Variants in AKAP19 observed in about 807,000 individuals in gnomAD.
AKAP19 encodes the protein A-kinase anchoring protein 19, also known as small A-kinase anchoring protein.
At chr2:190,055,230 A>G in the AKAP19 span, among the ~76,000 whole-genome samples, 84 of 151,718 alleles carry the variant, frequency 5.5e-4, no homozygotes, top group African/African-American at 1.9e-3. Context: ...TCACAAGGAC[A>G]AAAAAACCAA....
chr2:189,962,338 G>A, the AKAP19 span, among the ~76,000 whole-genome samples: 2 of 152,242 alleles, frequency 1.3e-5, no homozygotes, highest in East Asian at 1.9e-4. Context: ...TTTGCCCAAA[G>A]ATGCAATCCC....
At chr2:189,888,924 AC>A in the AKAP19 span, among the ~76,000 whole-genome samples, 1 of 152,072 alleles carries the variant, frequency 6.6e-6, no homozygotes, top group Non-Finnish European at 1.5e-5. Flanking sequence ...CCATTTGAAT[AC>A]CCTTTCTTTC....
chr2:189,912,001 A>G, the AKAP19 span, among the ~76,000 whole-genome samples: 1 of 152,052 alleles, frequency 6.6e-6, no homozygotes, highest in Non-Finnish European at 1.5e-5. Flanking sequence ...TTTAATATAT[A>G]TGTATATCCA....
chr2:189,928,824 AT>A, the AKAP19 span, among the ~76,000 whole-genome samples: 17 of 152,180 alleles, frequency 1.1e-4, no homozygotes, highest in Non-Finnish European at 2.5e-4. Flanking sequence ...ACATAAAATA[AT>A]AAGAAACATT....
the AKAP19 span, among the ~76,000 whole-genome samples, chr2:189,934,429 A>C: frequency 6.6e-6 from 1 of 152,124 alleles, no homozygotes; most frequent in South Asian, 2.1e-4. Flanking sequence ...ATGCATTGTT[A>C]ATGATTTCTA....
the AKAP19 span, among the ~76,000 whole-genome samples, chr2:190,020,386 C>T: frequency 6.6e-6 from 1 of 152,064 alleles, no homozygotes; most frequent in African/African-American, 2.4e-5. Flanking sequence ...TTCTGAATGT[C>T]AGTATTTATA....
At chr2:190,127,278 A>G in the AKAP19 span, among the ~76,000 whole-genome samples, 1 of 151,926 alleles carries the variant, frequency 6.6e-6, no homozygotes, top group Non-Finnish European at 1.5e-5. Context: ...AAGCAGAATG[A>G]ATGCTCATAT....
At chr2:190,055,497 A>G in the AKAP19 span, among the ~76,000 whole-genome samples, 1 of 152,188 alleles carries the variant, frequency 6.6e-6, no homozygotes, top group Non-Finnish European at 1.5e-5. Flanking sequence ...TAAAAAAAAG[A>G]GAAATGAAAC....
the AKAP19 span, among the ~76,000 whole-genome samples, chr2:190,003,807 C>T: frequency 6.6e-6 from 1 of 151,872 alleles, no homozygotes; most frequent in Non-Finnish European, 1.5e-5. Context: ...GCAGAGGTTG[C>T]AGTGAGCCAA....
the AKAP19 span, among the ~76,000 whole-genome samples, chr2:190,107,095 C>A: frequency 7.2e-5 from 11 of 152,300 alleles, no homozygotes; most frequent in African/African-American, 2.4e-4. Flanking sequence ...GCTCTTCTTA[C>A]TCAAATGTCT....
the AKAP19 span, among the ~76,000 whole-genome samples, chr2:190,040,179 G>A: frequency 6.6e-6 from 1 of 152,158 alleles, no homozygotes; most frequent in Non-Finnish European, 1.5e-5. Flanking sequence ...AACCTTGCCA[G>A]CATCTGTTAT....
the AKAP19 span, among the ~76,000 whole-genome samples, chr2:189,938,349 A>G: frequency 2.5e-4 from 38 of 152,096 alleles, no homozygotes; most frequent in African/African-American, 6.5e-4. Flanking sequence ...AAAAAAAAAA[A>G]AAAGAAAGAA....
At chr2:190,040,254 C>T in the AKAP19 span, among the ~76,000 whole-genome samples, 10 of 152,130 alleles carry the variant, frequency 6.6e-5, no homozygotes, top group South Asian at 2.1e-4. Context: ...CTTTGGTTTG[C>T]GTTTCTCTAA....
the AKAP19 span, among the ~76,000 whole-genome samples, chr2:189,930,122 C>T: frequency 6.6e-6 from 1 of 152,116 alleles, no homozygotes. Context: ...GTACTTTCCC[C>T]CAACATCTGC....
chr2:189,931,005 C>G, the AKAP19 span: 1 of 783,070 alleles, frequency 1.3e-6, no homozygotes, highest in Non-Finnish European at 2.1e-6. Context: ...TGAGGCAGTT[C>G]CCCATCTTCT....
the AKAP19 span, among the ~76,000 whole-genome samples, chr2:189,918,658 A>G: frequency 6.6e-6 from 1 of 152,182 alleles, no homozygotes; most frequent in Non-Finnish European, 1.5e-5. Context: ...CCTCTCCAGT[A>G]TATATCCCAA....
chr2:189,903,043 GTTT>G, the AKAP19 span, among the ~76,000 whole-genome samples: 2 of 151,840 alleles, frequency 1.3e-5, no homozygotes, highest in African/African-American at 4.8e-5. Flanking sequence ...TCTTAAAATA[GTTT>G]TTTAAGTGTC....
the AKAP19 span, among the ~76,000 whole-genome samples, chr2:189,928,683 A>G: frequency 1.3e-5 from 2 of 152,148 alleles, no homozygotes; most frequent in African/African-American, 4.8e-5. Context: ...ACATATGGAT[A>G]CTATAGTTGA....
chr2:190,017,914 C>A, the AKAP19 span, among the ~76,000 whole-genome samples: 20 of 152,148 alleles, frequency 1.3e-4, no homozygotes, highest in Non-Finnish European at 2.2e-4. Flanking sequence ...TAAAGGACAG[C>A]TTTTCTGGGT....
Sources: gnomAD v4.1 joint callset for allele counts (sites outside exome capture counted in the v4.1 genomes callset) on GRCh38, gnomAD v4.1.1 for gene constraint, MANE v1.5 for transcripts, NCBI Gene and HGNC (gene_info 2026-07-23, HGNC 2026-07-21) for gene names.